RNF130: variants seen among roughly 807,000 people sequenced by gnomAD.
RNF130 encodes ring finger protein 130, also known as E3 ubiquitin-protein ligase RNF130.
Under a neutral mutation model 44.6 loss-of-function variants are expected in RNF130, and 21 were observed. The observed-to-expected ratio is 0.47, with a 90% CI of 0.33 to 0.68. The LOEUF (loss-of-function observed/expected upper bound fraction) is 0.68. Among genes scored for constraint, RNF130 ranks in the 30% least tolerant of loss-of-function variants. The pLI, the probability that RNF130 is intolerant of heterozygous loss-of-function variation, is 0.02. For synonymous variants in RNF130, 214 were observed against 210.4 expected, an observed-to-expected ratio of 1.02 and a Z score of -0.15; for missense variants, 479 against 560.6, an observed-to-expected ratio of 0.85 and a Z score of 1.47.
intron 1 of RNF130, among the ~76,000 whole-genome samples, chr5:180,049,250 CGAG>C (rs1259638022): frequency 1.3e-5 from 2 of 152,114 alleles, no homozygotes; most frequent in African/African-American, 4.8e-5. Flanking sequence ...TTCCCTCACT[CGAG>C]GGAAACATGA....
exon 8 of RNF130, chr5:179,920,074 G>A (rs1016188988): frequency 5.4e-5 from 23 of 429,500 alleles, no homozygotes; most frequent in Non-Finnish European, 8.8e-5. Context: ...CTTGCTGGGC[G>A]CCCACCTTCA....
At chr5:179,996,005 C>T (rs1294943394) in intron 3 of RNF130, among the ~76,000 whole-genome samples, 1 of 152,194 alleles carries the variant, frequency 6.6e-6, no homozygotes, top group Non-Finnish European at 1.5e-5. Context: ...TGAATAATAT[C>T]ACTGGCATTT....
intron 7 of RNF130, among the ~76,000 whole-genome samples, chr5:179,940,421 A>G (rs1197370804): frequency 3.3e-5 from 5 of 151,752 alleles, no homozygotes; most frequent in Admixed American, 2.0e-4. Context: ...GGGTTTCACC[A>G]TGTTGGCCAG....
chr5:179,926,791 G>A (rs770515766), intron 7 of RNF130, among the ~76,000 whole-genome samples: 2 of 152,228 alleles, frequency 1.3e-5, no homozygotes, highest in Non-Finnish European at 2.9e-5. Context: ...TTGGGCTTGC[G>A]CTGGGCATTG....
chr5:180,006,829 AACTATCAGTG>A (rs1763472381), intron 3 of RNF130, among the ~76,000 whole-genome samples: 1 of 152,228 alleles, frequency 6.6e-6, no homozygotes, highest in African/African-American at 2.4e-5. Flanking sequence ...TGTGTAAAAT[AACTATCAGTG>A]ACTTAATTTG....
Position 180,019,241 on chromosome 5 carries a change from G to A in RNF130, c.443-5930C>T, listed in dbSNP as rs1374218485. On this transcript the variant is annotated intron_variant, in intron 2 of 8. Transcript: ENST00000521389. Reference sequence around the variant, plus strand: ...CTACTAAAAATACAAAAAATTAGCCGGGCGTGGTGGCGGGCACCTGTAGTC... The same window carrying A: ...CTACTAAAAATACAAAAAATTAGCCAGGCGTGGTGGCGGGCACCTGTAGTC... Among the ~76,000 whole-genome samples the A allele has an allele frequency of 5.9e-5, 9 of 151,966 alleles. No homozygotes were observed. The East Asian group carries it at 7.8e-4, about 13-fold the overall frequency.
At chr5:179,936,944 A>G (rs1761897625) in intron 7 of RNF130, among the ~76,000 whole-genome samples, 2 of 152,204 alleles carry the variant, frequency 1.3e-5, no homozygotes, top group Admixed American at 1.3e-4. Context: ...CACACCATAC[A>G]AAAATATTAA....
chr5:179,992,224 C>T (rs1763099851), intron 3 of RNF130, among the ~76,000 whole-genome samples: 1 of 152,176 alleles, frequency 6.6e-6, no homozygotes, highest in Admixed American at 6.5e-5. Flanking sequence ...TCACTGTAAA[C>T]TCTGCCTCCC....
At chr5:180,046,005 G>A (rs938007569) in intron 1 of RNF130, among the ~76,000 whole-genome samples, 3 of 152,216 alleles carry the variant, frequency 2.0e-5, no homozygotes, top group African/African-American at 4.8e-5. Flanking sequence ...GGAGCAGGGG[G>A]CAGCGCTCGC....
intron 1 of RNF130, among the ~76,000 whole-genome samples, chr5:180,069,095 A>C (rs1319869234): frequency 1.3e-5 from 2 of 152,236 alleles, no homozygotes; most frequent in Non-Finnish European, 2.9e-5. Flanking sequence ...GATTTATATC[A>C]CCATTTCTGT....
rs1431237863 is a variant in RNF130 at position 180,034,520 on chromosome 5, T to G, written c.442+5933A>C. 1.8e-4 allele frequency among the ~76,000 whole-genome samples: 27 copies of G among 152,208 alleles called. 1 individual carries two copies. The highest frequency in any genetic ancestry group is 1.8e-3 in the Admixed American group (27 of 15,276). Reference sequence around the variant, plus strand: ...TTTAATCCCCAATTCAATTTCTTACTTATTATAGCTACTCAGATATGCTAT... The same window carrying G: ...TTTAATCCCCAATTCAATTTCTTACGTATTATAGCTACTCAGATATGCTAT... On this transcript the variant is annotated intron_variant, in intron 2 of 8. Transcript: ENST00000521389.
chr5:180,019,019 T>C (rs1763807768), intron 2 of RNF130, among the ~76,000 whole-genome samples: 1 of 152,244 alleles, frequency 6.6e-6, no homozygotes. Context: ...TTACTCACAG[T>C]GGCATTAGTT....
chr5:179,989,337 A>G (rs2113026597), intron 3 of RNF130, among the ~76,000 whole-genome samples: 1 of 152,276 alleles, frequency 6.6e-6, no homozygotes, highest in South Asian at 2.1e-4. Flanking sequence ...GCCAAATCGT[A>G]TCAGCCGGAT....
intron 1 of RNF130, among the ~76,000 whole-genome samples, chr5:180,052,139 A>G (rs1029993017): frequency 3.3e-5 from 5 of 151,596 alleles, no homozygotes; most frequent in African/African-American, 1.2e-4. Flanking sequence ...GGTCTGTCCC[A>G]GGCCCTCTTT....
At chr5:179,930,382 G>A (rs1041685329) in intron 7 of RNF130, among the ~76,000 whole-genome samples, 1 of 152,062 alleles carries the variant, frequency 6.6e-6, no homozygotes, top group African/African-American at 2.4e-5. Context: ...ATTGCTTATT[G>A]TTAGTCTATA....
chr5:179,929,450 G>A (rs156096), intron 7 of RNF130, among the ~76,000 whole-genome samples: 85,322 of 151,990 alleles, frequency 0.56, 26,616 homozygotes, highest in African/African-American at 0.82. Context: ...CCATTTCCAC[G>A]TAAATTCTAG....
At chr5:180,069,724 G>A (rs1264534637) in intron 1 of RNF130, among the ~76,000 whole-genome samples, 1 of 152,170 alleles carries the variant, frequency 6.6e-6, no homozygotes, top group Non-Finnish European at 1.5e-5. Flanking sequence ...TACTTTTACA[G>A]TGTCACACAA....
intron 8 of RNF130, 46 bp from the exon 9 acceptor site, chr5:179,955,715 A>T (rs1490154518): frequency 1.4e-6 from 2 of 1,466,306 alleles, no homozygotes; most frequent in Non-Finnish European, 1.9e-6. Context: ...AAGAGTAGTC[A>T]AATGTTTAAA....
At chr5:179,991,932 T>C (rs1763091517) in intron 3 of RNF130, among the ~76,000 whole-genome samples, 1 of 152,046 alleles carries the variant, frequency 6.6e-6, no homozygotes, top group Admixed American at 6.5e-5. Context: ...ATGCTTTGCA[T>C]GTACAGTTCA....
Sources: gnomAD v4.1 joint callset for allele counts (sites outside exome capture counted in the v4.1 genomes callset) on GRCh38, gnomAD v4.1.1 for gene constraint, MANE v1.5 for transcripts, NCBI Gene and HGNC (gene_info 2026-07-23, HGNC 2026-07-21) for gene names.